NRXN1: variants seen among roughly 807,000 people sequenced by gnomAD.
The protein encoded by NRXN1 is neurexin 1.
In NRXN1, 39 loss-of-function variants were observed where a neutral mutation model predicts 150.9. The ratio of observed to expected loss-of-function variants is 0.26; its 90% CI spans 0.20 to 0.34. The LOEUF (loss-of-function observed/expected upper bound fraction) is 0.34, where lower values mean the gene tolerates loss of function less well. NRXN1 is among the 10% of genes least tolerant of loss of function. The probability of loss-of-function intolerance (pLI) is 1.00; values close to 1 mark genes in which losing one functional copy is unlikely to be tolerated. For synonymous variants in NRXN1, 924 were observed against 757.0 expected, an observed-to-expected ratio of 1.22 and a Z score of -3.62; for missense variants, 1,815 against 1,949.9, an observed-to-expected ratio of 0.93 and a Z score of 1.30.
chr2:50,137,856 G>C (rs1415067701), intron 18 of NRXN1, among the ~76,000 whole-genome samples: 1 of 152,314 alleles, frequency 6.6e-6, no homozygotes, highest in Non-Finnish European at 1.5e-5. Context: ...TAGCTTTCAT[G>C]TAAAACAAAC....
chr2:50,877,695 A>G (rs549517142), intron 5 of NRXN1, among the ~76,000 whole-genome samples: 1 of 152,078 alleles, frequency 6.6e-6, no homozygotes, highest in African/African-American at 2.4e-5. Flanking sequence ...TTGAATGGTA[A>G]TATGCATGTG....
intron 2 of NRXN1, among the ~76,000 whole-genome samples, chr2:50,954,965 T>A (rs1008719344): frequency 6.6e-6 from 1 of 151,914 alleles, no homozygotes; most frequent in African/African-American, 2.4e-5. Flanking sequence ...GAAGACCAAC[T>A]CAACTGGCAC....
intron 17 of NRXN1, among the ~76,000 whole-genome samples, chr2:50,452,554 T>A (rs1221921026): frequency 2.0e-5 from 3 of 152,026 alleles, no homozygotes; most frequent in African/African-American, 7.2e-5. Flanking sequence ...AAGAAATAAA[T>A]ATGAAGATCT....
intron 2 of NRXN1, among the ~76,000 whole-genome samples, chr2:50,968,129 G>C (rs1246028538): frequency 6.6e-6 from 1 of 151,982 alleles, no homozygotes; most frequent in African/African-American, 2.4e-5. Context: ...AAAGAATGAT[G>C]GCAAAACTTT....
rs925943737 is a variant in NRXN1 at position 50,347,097 on chromosome 2, G to C, written c.3365-110127C>G. 2 of 1,386,526 alleles carry C rather than the reference G, an allele frequency of 1.4e-6. No homozygotes were observed. The highest frequency in any genetic ancestry group is 1.5e-5 in the African/African-American group (1 of 67,848). 85.9% of individuals were successfully genotyped at this position (1,386,526 alleles called of 1,614,324 possible). A position where few individuals can be genotyped will look rare whatever the true frequency, so the allele number is the denominator to read the frequency against. ...AGGGCACCCATCCTCTCCCTCCTTC[G>C]GACAGTCTTCTCGGGGTCCTGGAGT... On this transcript the variant is annotated intron_variant, in intron 17 of 22. Coordinates refer to ENST00000401669, the MANE Select transcript of NRXN1 (RefSeq NM_001330078.2). The surrounding 1 kb of genome is among the most constrained non-coding windows in gnomAD (Gnocchi z 4.9).
At chr2:50,509,079 C>A (rs1558855239) in intron 12 of NRXN1, among the ~76,000 whole-genome samples, 1 of 152,138 alleles carries the variant, frequency 6.6e-6, no homozygotes, top group Non-Finnish European at 1.5e-5. Context: ...TATTAATCTG[C>A]AGATGTGAAA....
At chr2:49,952,725 T>C (rs1157039451) in intron 21 of NRXN1, among the ~76,000 whole-genome samples, 1 of 152,076 alleles carries the variant, frequency 6.6e-6, no homozygotes, top group Non-Finnish European at 1.5e-5. Flanking sequence ...AACTCCCTGC[T>C]CTCTTCTCAT....
At chr2:50,262,500 G>T (rs1574812202) in intron 17 of NRXN1, among the ~76,000 whole-genome samples, 1 of 151,826 alleles carries the variant, frequency 6.6e-6, no homozygotes, top group Admixed American at 6.6e-5. Context: ...TACTAAAAAG[G>T]TTGGGTTAAA....
intron 17 of NRXN1, among the ~76,000 whole-genome samples, chr2:50,434,186 A>G (rs906847983): frequency 6.6e-6 from 1 of 150,790 alleles, no homozygotes; most frequent in Non-Finnish European, 1.5e-5. Context: ...CAGCCTCCCA[A>G]GTAGCTGGGA....
intron 5 of NRXN1, among the ~76,000 whole-genome samples, chr2:50,718,038 C>T (rs935929396): frequency 6.6e-6 from 1 of 152,142 alleles, no homozygotes; most frequent in Non-Finnish European, 1.5e-5. Flanking sequence ...TCACTTTTCT[C>T]AGCCAGACAG....
chr2:49,974,416 A>G (rs1363408788), intron 21 of NRXN1, among the ~76,000 whole-genome samples: 1 of 152,184 alleles, frequency 6.6e-6, no homozygotes, highest in Non-Finnish European at 1.5e-5. Context: ...ACCGAAAAAA[A>G]GGCTTATTTT....
intron 17 of NRXN1, among the ~76,000 whole-genome samples, chr2:50,398,159 T>C (rs1476299436): frequency 6.6e-6 from 1 of 152,160 alleles, no homozygotes; most frequent in Non-Finnish European, 1.5e-5. Flanking sequence ...ATTTATTGGC[T>C]AAGTTTCCAC....
chr2:50,539,873 G>A (rs1013719681), intron 9 of NRXN1, among the ~76,000 whole-genome samples: 1 of 152,176 alleles, frequency 6.6e-6, no homozygotes, highest in Non-Finnish European at 1.5e-5. Flanking sequence ...AGAAGAAGTG[G>A]AGGGTAGGTC....
At chr2:50,897,338 A>T (rs1365454347) in intron 5 of NRXN1, among the ~76,000 whole-genome samples, 3 of 152,200 alleles carry the variant, frequency 2.0e-5, no homozygotes, top group African/African-American at 7.2e-5. Context: ...CTTTCAACAC[A>T]AAATTTTTCT....
chr2:50,401,970 C>T (rs529199041), intron 17 of NRXN1, among the ~76,000 whole-genome samples: 1 of 151,986 alleles, frequency 6.6e-6, no homozygotes, highest in African/African-American at 2.4e-5. Flanking sequence ...TGGGAAGGGG[C>T]AGAAAAATCC....
rs1172349301 is a variant in NRXN1, at chr2:50,826,135, G to T, written c.832+95734C>A. ...AAGAAACCAGAAGATGTGGTTGAGA[G>T]GGACTGGGGGAAGGGAAAGAGGGGC... is the stretch of plus-strand genomic sequence containing the variant. On this transcript the variant is annotated intron_variant, in intron 5 of 22. Coordinates refer to ENST00000401669, the MANE Select transcript of NRXN1 (RefSeq NM_001330078.2). Among the ~76,000 whole-genome samples the T allele has an allele frequency of 2.0e-5, 3 of 152,282 alleles. No individual in the cohort carries two copies. In the South Asian group the frequency reaches 6.2e-4, roughly 32 times the overall value.
At chr2:50,671,390 G>C (rs1688824092) in intron 5 of NRXN1, among the ~76,000 whole-genome samples, 1 of 151,336 alleles carries the variant, frequency 6.6e-6, no homozygotes, top group African/African-American at 2.4e-5. Flanking sequence ...AGATTTTCCA[G>C]TAGCTGAATA....
At chr2:50,632,186 C>T (rs1682453934) in intron 5 of NRXN1, among the ~76,000 whole-genome samples, 1 of 151,970 alleles carries the variant, frequency 6.6e-6, no homozygotes, top group African/African-American at 2.4e-5. Context: ...AGCAATTTAT[C>T]TATTTAACCA....
intron 17 of NRXN1, among the ~76,000 whole-genome samples, chr2:50,369,851 G>A (rs2079882282): frequency 6.6e-6 from 1 of 151,918 alleles, no homozygotes; most frequent in Non-Finnish European, 1.5e-5. Flanking sequence ...GTGTAGGGCT[G>A]GAGGACAGTG....
Sources: allele counts gnomAD v4.1 joint callset (sites outside exome capture counted in the v4.1 genomes callset), GRCh38; gene constraint gnomAD v4.1.1; non-coding constraint Gnocchi (gnomAD v3.1); transcripts MANE v1.5; gene names NCBI Gene and HGNC (gene_info 2026-07-23, HGNC 2026-07-21).